Variants in FRMD5 observed in about 807,000 individuals in gnomAD.
The protein encoded by FRMD5 is FERM domain containing 5.
In FRMD5, 20 loss-of-function variants were observed where a neutral mutation model predicts 69.0. The ratio of observed to expected loss-of-function variants is 0.29; its 90% CI spans 0.20 to 0.42. The LOEUF is 0.42. FRMD5 is among the 10% of genes least tolerant of loss of function. The pLI, the probability that FRMD5 is intolerant of heterozygous loss-of-function variation, is 1.00. For missense variants in FRMD5, 595 were observed against 708.6 expected, an observed-to-expected ratio of 0.84 and a Z score of 1.82; for synonymous variants, 271 against 260.1, an observed-to-expected ratio of 1.04 and a Z score of -0.40.
At position 44,044,776 on chromosome 15, in the gene FRMD5, T is replaced by A. The variant is rs1892359367; in HGVS notation, c.103-120467A>T. On this transcript the variant is annotated intron_variant, in intron 1 of 13. Transcript: ENST00000417257. Reference sequence around the variant, plus strand: ...TGGGGCCTGTCAGGGGGTGGGGGGCTAGGGGAGAGATAGCATTAGGGAAAT... The same window carrying A: ...TGGGGCCTGTCAGGGGGTGGGGGGCAAGGGGAGAGATAGCATTAGGGAAAT... 2.0e-5 allele frequency among the ~76,000 whole-genome samples: 3 copies of A among 151,034 alleles called. No homozygotes were observed. The South Asian group carries it at 6.3e-4, about 32-fold the overall frequency.
At chr15:44,082,267 G>A (rs943120152) in intron 1 of FRMD5, among the ~76,000 whole-genome samples, 1 of 151,848 alleles carries the variant, frequency 6.6e-6, no homozygotes, top group African/African-American at 2.4e-5. Context: ...CACTCTATCT[G>A]CTAATCGAGA....
intron 1 of FRMD5, among the ~76,000 whole-genome samples, chr15:43,962,507 T>C (rs2090219011): frequency 1.3e-5 from 2 of 152,102 alleles, no homozygotes; most frequent in African/African-American, 4.8e-5. Context: ...TTCAATGCCA[T>C]CCCCATCAAG....
chr15:43,987,957 G>T (rs1182097183), intron 1 of FRMD5, among the ~76,000 whole-genome samples: 1 of 152,160 alleles, frequency 6.6e-6, no homozygotes, highest in East Asian at 1.9e-4. Context: ...AGTCCCATCT[G>T]GGGGTCATGG....
chr15:44,124,504 C>A (rs933086239), intron 1 of FRMD5, among the ~76,000 whole-genome samples: 1 of 151,706 alleles, frequency 6.6e-6, no homozygotes, highest in Non-Finnish European at 1.5e-5. Flanking sequence ...TCAAAACCAT[C>A]CTGGCTAACA....
chr15:44,167,061 A>G (rs1283339231), intron 1 of FRMD5, among the ~76,000 whole-genome samples: 1 of 152,170 alleles, frequency 6.6e-6, no homozygotes, highest in Admixed American at 6.5e-5. Flanking sequence ...ATTTCTACCA[A>G]TTAGACTTTT....
At chr15:43,932,898 G>A (rs1395521165) in intron 1 of FRMD5, among the ~76,000 whole-genome samples, 1 of 152,210 alleles carries the variant, frequency 6.6e-6, no homozygotes, top group African/African-American at 2.4e-5. Flanking sequence ...CCCAGGACCA[G>A]ACAAGTCATT....
At chr15:44,143,031 G>A (rs2077296842) in intron 1 of FRMD5, among the ~76,000 whole-genome samples, 2 of 151,984 alleles carry the variant, frequency 1.3e-5, no homozygotes, top group Admixed American at 6.6e-5. Flanking sequence ...CAGAGAGGTT[G>A]CACTGAGCTG....
chr15:44,195,241 TC>T lies in FRMD5; in HGVS notation c.-188del. The T allele has an allele frequency of 3.8e-6, 2 of 529,832 alleles. No individual in the cohort carries two copies. Among genetic ancestry groups the T allele is most frequent in the Non-Finnish European group, 6.6e-6 (2 of 303,392 alleles). The allele number at this position is 529,832 out of a possible 1,614,324, so 32.8% of individuals were successfully genotyped here. A position where few individuals can be genotyped will look rare whatever the true frequency, so the allele number is the denominator to read the frequency against. ...CCTCCTTCCCTCAGCCGCCACCGCC[TC>T]CCCCCAGCCCAGATCAAGCGCCGGG... is the stretch of plus-strand genomic sequence containing the variant. On this transcript the variant is annotated 5_prime_UTR_variant, in exon 1 of 14. Coordinates refer to ENST00000417257, the MANE Select transcript of FRMD5 (RefSeq NM_032892.5).
At chr15:44,103,339 C>T (rs138497581) in intron 1 of FRMD5, among the ~76,000 whole-genome samples, 1 of 152,078 alleles carries the variant, frequency 6.6e-6, no homozygotes, top group African/African-American at 2.4e-5. Flanking sequence ...GGATTTTTAC[C>T]TTCAAAGGAA....
At chr15:43,934,168 G>T (rs1257614589) in intron 1 of FRMD5, among the ~76,000 whole-genome samples, 1 of 152,198 alleles carries the variant, frequency 6.6e-6, no homozygotes, top group Non-Finnish European at 1.5e-5. Flanking sequence ...GTTGGGGTGG[G>T]TATAGGAAAT....
At chr15:44,193,109 GA>G (rs139905861) in intron 1 of FRMD5, among the ~76,000 whole-genome samples, 2 of 152,076 alleles carry the variant, frequency 1.3e-5, no homozygotes, top group African/African-American at 2.4e-5. Context: ...CACTAACTGG[GA>G]AAAAAATAAC....
At chr15:44,086,160 C>A (rs1894188866) in intron 1 of FRMD5, among the ~76,000 whole-genome samples, 1 of 152,082 alleles carries the variant, frequency 6.6e-6, no homozygotes, top group East Asian at 1.9e-4. Flanking sequence ...ATTAGAGTTT[C>A]CTCAATAAAC....
At chr15:43,950,986 A>G (rs765546912) in intron 1 of FRMD5, among the ~76,000 whole-genome samples, 17 of 152,334 alleles carry the variant, frequency 1.1e-4, no homozygotes, top group Non-Finnish European at 2.2e-4. Context: ...GTGAGACCAG[A>G]TAACAAAATT....
chr15:44,125,497 C>T (rs1452674581), intron 1 of FRMD5, among the ~76,000 whole-genome samples: 1 of 152,076 alleles, frequency 6.6e-6, no homozygotes, highest in African/African-American at 2.4e-5. Flanking sequence ...TTTCTAAATG[C>T]TGAGGTTAAA....
At chr15:44,192,002 C>G (rs181281442) in intron 1 of FRMD5, among the ~76,000 whole-genome samples, 1 of 146,520 alleles carries the variant, frequency 6.8e-6, no homozygotes, top group Non-Finnish European at 1.5e-5. Context: ...TCTGCATTTA[C>G]GAGGAAATGA....
In FRMD5 at chr15:43,905,861, C is replaced by T; in HGVS notation, c.518G>A (p.Arg173Lys). 6.2e-7 allele frequency: 1 copy of T among 1,614,244 alleles called. No homozygotes were observed. Among genetic ancestry groups the T allele is most frequent in the Non-Finnish European group, 8.5e-7 (1 of 1,180,028 alleles). The change falls in exon 6 of 14, where the codon AGG becomes AAG. Residue 173 changes from arginine (R) to lysine (K), a missense_variant. Coordinates refer to ENST00000417257, the MANE Select transcript of FRMD5 (RefSeq NM_032892.5). ...FFPKHSEKLE[R>K]KIAEIHKTEL... The stretch of plus-strand genomic sequence containing the variant: ...CGTCTTGTGAATCTCAGCAATTTTC[C>T]TTTCCAGCTTCTCTGAATGTTTAGG...
At chr15:43,992,551 T>C (rs893607808) in intron 1 of FRMD5, among the ~76,000 whole-genome samples, 3 of 152,086 alleles carry the variant, frequency 2.0e-5, no homozygotes, top group Admixed American at 6.5e-5. Context: ...CTAATTTTTG[T>C]ATTTTTAGTA....
intron 1 of FRMD5, among the ~76,000 whole-genome samples, chr15:44,144,543 T>G (rs1208580487): frequency 1.3e-5 from 2 of 152,156 alleles, no homozygotes; most frequent in Non-Finnish European, 2.9e-5. Context: ...ACTTTGTGGT[T>G]CAGGGTCCCC....
At chr15:44,198,761 A>G (rs144607979), upstream of FRMD5, among the ~76,000 whole-genome samples, 1,474 of 152,332 alleles carry the variant, frequency 9.7e-3, 7 homozygotes, top group Middle Eastern at 0.024. Context: ...CCTCAAATCT[A>G]TTAACTAGGA....
Sources: gnomAD v4.1 joint callset for allele counts (sites outside exome capture counted in the v4.1 genomes callset) on GRCh38, gnomAD v4.1.1 for gene constraint, MANE v1.5 for transcripts, NCBI Gene and HGNC (gene_info 2026-07-23, HGNC 2026-07-21) for gene names.